The following DCC variants were observed in gnomAD, a reference collection of about 807,000 sequenced individuals.
DCC encodes DCC netrin 1 receptor.
In DCC, 58 loss-of-function variants were observed where a neutral mutation model predicts 172.5. The observed-to-expected ratio is 0.34, with a 90% CI of 0.27 to 0.42. The LOEUF (loss-of-function observed/expected upper bound fraction) is 0.42. Ranked by LOEUF, DCC falls within the 10% of genes least tolerant of loss-of-function variation. The probability of loss-of-function intolerance (pLI) is 1.00; values close to 1 mark genes in which losing one functional copy is unlikely to be tolerated. For synonymous variants in DCC, 709 were observed against 644.5 expected (o/e 1.10, Z -1.52); for missense variants, 1,740 against 1,791.0 (o/e 0.97, Z 0.51).
chr18:53,245,005 A>C (rs1489708035), intron 12 of DCC, among the ~76,000 whole-genome samples: 1 of 152,130 alleles, frequency 6.6e-6, no homozygotes, highest in African/African-American at 2.4e-5. Context: ...TGGCTTAGTT[A>C]CTTGTGATCT....
rs1408289736 is a variant in DCC, at chr18:52,595,089, T to C, written c.92-156965T>C. ...AATGTATCACTTCCCTCTCCAATTC[T>C]CATACTGGATCATCCTGCCAATGCC... On this transcript the variant is annotated intron_variant, in intron 1 of 28. Transcript: ENST00000442544. Among the ~76,000 whole-genome samples, 4 of 152,174 alleles carry C rather than the reference T, an allele frequency of 2.6e-5. No homozygotes were observed. In the East Asian group the frequency reaches 5.8e-4, roughly 22 times the overall value.
At chr18:52,542,481 A>G (rs1218116149) in intron 1 of DCC, among the ~76,000 whole-genome samples, 1 of 152,136 alleles carries the variant, frequency 6.6e-6, no homozygotes, top group African/African-American at 2.4e-5. Flanking sequence ...AAACCATCAA[A>G]CATTGTAATG....
intron 1 of DCC, among the ~76,000 whole-genome samples, chr18:52,702,934 A>T (rs2145039339): frequency 6.6e-6 from 1 of 152,248 alleles, no homozygotes; most frequent in East Asian, 1.9e-4. Context: ...CTCTTATAAG[A>T]TTTCGTTTCA....
At chr18:53,247,641 G>A (rs1045660858) in intron 12 of DCC, among the ~76,000 whole-genome samples, 13 of 151,942 alleles carry the variant, frequency 8.6e-5, no homozygotes, top group Non-Finnish European at 1.5e-5. Flanking sequence ...GCTATTAAAC[G>A]TATTAAATAC....
chr18:53,179,771 G>A (rs1344042518), intron 9 of DCC, among the ~76,000 whole-genome samples: 3 of 152,008 alleles, frequency 2.0e-5, no homozygotes, highest in African/African-American at 7.2e-5. Context: ...AACTATTTCT[G>A]TACTTGACAA....
chr18:52,883,344 TTATTTATGTGTGTG>T (rs1397080191), intron 2 of DCC, among the ~76,000 whole-genome samples: 4 of 55,420 alleles, frequency 7.2e-5, no homozygotes, highest in African/African-American at 2.0e-4. Context: ...ATTTATTTAT[TTATTTATGTGTGTG>T]TGTGTGTGTG....
At chr18:53,351,303 A>G (rs865938037) in intron 15 of DCC, among the ~76,000 whole-genome samples, 3 of 29,826 alleles carry the variant, frequency 1.0e-4, no homozygotes, top group Non-Finnish European at 3.2e-4. Flanking sequence ...ATATATATAT[A>G]TATATATATA....
At chr18:53,514,484 C>T (rs1285291803) in intron 27 of DCC, among the ~76,000 whole-genome samples, 2 of 151,692 alleles carry the variant, frequency 1.3e-5, no homozygotes, top group Non-Finnish European at 2.9e-5. Flanking sequence ...CAAAAAAAAC[C>T]CTTCAAAAAA....
At chr18:53,257,126 G>A (rs1334540981) in intron 12 of DCC, among the ~76,000 whole-genome samples, 2 of 152,114 alleles carry the variant, frequency 1.3e-5, no homozygotes, top group African/African-American at 2.4e-5. Flanking sequence ...AGACAATGGG[G>A]TTTTCTAGAT....
intron 25 of DCC, among the ~76,000 whole-genome samples, chr18:53,482,566 C>T (rs1409253386): frequency 3.3e-5 from 5 of 151,876 alleles, no homozygotes; most frequent in Non-Finnish European, 5.9e-5. Context: ...TCAGAAGATA[C>T]GTATGAAACT....
At chr18:52,838,540 T>A (rs1163487580) in intron 2 of DCC, among the ~76,000 whole-genome samples, 1 of 152,146 alleles carries the variant, frequency 6.6e-6, no homozygotes, top group Non-Finnish European at 1.5e-5. Context: ...ACTTAATTTT[T>A]ATGGTAAGAA....
chr18:52,730,257 G>A (rs1020245076), intron 1 of DCC, among the ~76,000 whole-genome samples: 2 of 152,074 alleles, frequency 1.3e-5, no homozygotes, highest in Admixed American at 6.6e-5. Flanking sequence ...AAAGGTACTG[G>A]GATCTAGTGA....
intron 26 of DCC, among the ~76,000 whole-genome samples, chr18:53,496,729 C>A (rs1227314780): frequency 6.6e-6 from 1 of 152,136 alleles, no homozygotes; most frequent in Non-Finnish European, 1.5e-5. Flanking sequence ...AGTTAAGAAC[C>A]TTGAGAAAAG....
intron 14 of DCC, among the ~76,000 whole-genome samples, chr18:53,325,475 C>T (rs2057457289): frequency 6.6e-6 from 1 of 152,144 alleles, no homozygotes; most frequent in African/African-American, 2.4e-5. Context: ...TGCTCTTTTT[C>T]CTGACTCTGA....
At chr18:52,754,149 T>C (rs1239062446) in intron 2 of DCC, 2 of 152,168 alleles carry the variant, frequency 1.3e-5, no homozygotes, top group Non-Finnish European at 1.5e-5. Context: ...AACAGGACAA[T>C]TGGGCAGAAT....
chr18:52,833,144 A>G lies in DCC; in HGVS notation c.413-72900A>G, dbSNP rs1236789500. ...ACACTGAAACAAAACTCACTGGCAC[A>G]TATCTTCCACATGCACCTAGTCCAC... On this transcript the variant is annotated intron_variant, in intron 2 of 28. Coordinates refer to ENST00000442544, the MANE Select transcript of DCC (RefSeq NM_005215.4). Among the ~76,000 whole-genome samples the G allele has an allele frequency of 3.9e-5, 6 of 152,248 alleles. No homozygotes were observed. In the East Asian group the frequency reaches 7.7e-4, roughly 20 times the overall value.
chr18:52,465,587 C>T (rs925824854), intron 1 of DCC, among the ~76,000 whole-genome samples: 10 of 152,122 alleles, frequency 6.6e-5, no homozygotes, highest in Admixed American at 1.3e-4. Flanking sequence ...AAAGAGGCTG[C>T]GGCCCTTTGT....
chr18:52,805,813 G>T (rs1249324891), intron 2 of DCC, among the ~76,000 whole-genome samples: 3 of 152,190 alleles, frequency 2.0e-5, no homozygotes, highest in Admixed American at 6.5e-5. Flanking sequence ...GCAACTTGAG[G>T]ATCTAAGACA....
chr18:53,142,272 G>A (rs1414137455), intron 7 of DCC, among the ~76,000 whole-genome samples: 1 of 152,214 alleles, frequency 6.6e-6, no homozygotes, highest in Non-Finnish European at 1.5e-5. Context: ...ATTGATGGCT[G>A]CAGTCTGAAC....
Sources: gnomAD v4.1 joint callset for allele counts (sites outside exome capture counted in the v4.1 genomes callset) on GRCh38, gnomAD v4.1.1 for gene constraint, MANE v1.5 for transcripts, NCBI Gene and HGNC (gene_info 2026-07-23, HGNC 2026-07-21) for gene names.